The following MACF1 variants were observed in gnomAD, a reference collection of about 807,000 sequenced individuals.
MACF1 encodes microtubule actin crosslinking factor 1, also known as microtubule-actin cross-linking factor 1.
MACF1 carries 193 observed loss-of-function variants against 854.8 expected under a neutral mutation model. The ratio of observed to expected loss-of-function variants is 0.23; its 90% CI spans 0.20 to 0.25. The LOEUF is 0.25. MACF1 is among the 10% of genes least tolerant of loss of function. The probability of loss-of-function intolerance (pLI) is 1.00; values close to 1 mark genes in which losing one functional copy is unlikely to be tolerated. For synonymous variants in MACF1, 3,185 were observed against 3,226.7 expected (o/e 0.99, Z 0.44); for missense variants, 7,722 against 8,929.1 (o/e 0.86, Z 5.45).
intron 61 of MACF1, 56 bp from the exon 62 acceptor site, chr1:39,427,399 T>C: frequency 6.7e-7 from 1 of 1,481,754 alleles, no homozygotes; most frequent in African/African-American, 1.4e-5. Context: ...ATAGTACTAT[T>C]ACCAGTTTTA....
rs374953629 is a variant in MACF1, at chr1:39,435,494, A to C, written c.17785-64A>C. ...TTAAAGTTGATATTAGCTCTGATCA[A>C]AGTATCTAAATACATAAACTGGTAT... On this transcript the variant is annotated intron_variant, in intron 69 of 100. Coordinates refer to ENST00000564288, the MANE Select transcript of MACF1 (RefSeq NM_001394062.1). 35 of 1,341,010 alleles carry C rather than the reference A, an allele frequency of 2.6e-5. No individual in the cohort carries two copies. The East Asian group carries it at 4.4e-4, about 17-fold the overall frequency. 83.1% of individuals were successfully genotyped at this position (1,341,010 alleles called of 1,614,324 possible).
At position 39,263,771 on chromosome 1, in the gene MACF1, C is replaced by CTTTTTTTTTTTTTTTTTTTT. The variant is rs11453750; in HGVS notation, c.528+5744_528+5763dup. Among the ~76,000 whole-genome samples, 34 of 100,164 alleles carry CTTTTTTTTTTTTTTTTTTTT rather than the reference C, an allele frequency of 3.4e-4. 1 individual carries two copies. The highest frequency in any genetic ancestry group is 6.9e-4 in the South Asian group (2 of 2,904). 65.7% of individuals were successfully genotyped at this position (100,164 alleles called of 152,430 possible). A position where few individuals can be genotyped will look rare whatever the true frequency, so the allele number is the denominator to read the frequency against. On this transcript the variant is annotated intron_variant, in intron 6 of 100. Transcript: ENST00000564288. The stretch of plus-strand genomic sequence containing the variant: ...CTTTCTTTCATCTTTTTTCTTTTTT[C>CTTTTTTTTTTTTTTTTTTTT]TTTTTTTTTTTTTTTTTTTTGAGAC...
intron 47 of MACF1, among the ~76,000 whole-genome samples, chr1:39,360,104 C>CAT (rs1431925794): frequency 3.7e-5 from 5 of 134,320 alleles, no homozygotes; most frequent in African/African-American, 8.3e-5. Flanking sequence ...CACACACACA[C>CAT]ATATATATCG....
At chr1:39,356,835 C>T (rs968353458) in intron 44 of MACF1, among the ~76,000 whole-genome samples, 1 of 152,162 alleles carries the variant, frequency 6.6e-6, no homozygotes, top group Non-Finnish European at 1.5e-5. Flanking sequence ...AGATATATAA[C>T]GTCTTTTTGG....
At chr1:39,356,282 A>G (rs1318819726) in intron 44 of MACF1, among the ~76,000 whole-genome samples, 2 of 152,244 alleles carry the variant, frequency 1.3e-5, no homozygotes, top group African/African-American at 4.8e-5. Flanking sequence ...ATACAGTTTA[A>G]TCTCTAATTA....
At chr1:39,419,973 A>G (rs551345823) in intron 58 of MACF1, among the ~76,000 whole-genome samples, 1 of 152,040 alleles carries the variant, frequency 6.6e-6, no homozygotes, top group Non-Finnish European at 1.5e-5. Context: ...AGCCTATTTT[A>G]CTTTTCTGTG....
chr1:39,411,798 A>G, intron 58 of MACF1: 2 of 1,613,882 alleles, frequency 1.2e-6, no homozygotes, highest in African/African-American at 2.7e-5. Context: ...GTCATTTTTC[A>G]GGGGCTGCCT....
chr1:39,366,811 T>A (rs1648755034), intron 49 of MACF1, among the ~76,000 whole-genome samples: 1 of 151,252 alleles, frequency 6.6e-6, no homozygotes, highest in Non-Finnish European at 1.5e-5. Context: ...TTCCAGCTAA[T>A]TTTTGTGTTT....
At chr1:39,112,325 C>T (rs904733955) in intron 2 of MACF1, among the ~76,000 whole-genome samples, 6 of 152,114 alleles carry the variant, frequency 3.9e-5, no homozygotes, top group African/African-American at 1.4e-4. Context: ...ACTTTGTGAT[C>T]TGCCCTCCTC....
At chr1:39,237,955 G>A (rs1013877461) in intron 2 of MACF1, among the ~76,000 whole-genome samples, 3 of 152,130 alleles carry the variant, frequency 2.0e-5, no homozygotes, top group Non-Finnish European at 4.4e-5. Flanking sequence ...TGTCAATGTT[G>A]TTCCTTATTC....
Position 39,484,649 on chromosome 1 carries a change from C to T in MACF1, c.22330C>T (p.His7444Tyr). Reference sequence around the variant, plus strand: ...GTTGAAACGACCAACACCAACTTTTCATTCTAGTCGGACATCCCTTGCTGG... The same window carrying T: ...GTTGAAACGACCAACACCAACTTTTTATTCTAGTCGGACATCCCTTGCTGG... ...SKLKRPTPTFHSSRTSLAGDT... is the reference protein window; with the variant it reads ...SKLKRPTPTFYSSRTSLAGDT... The change falls in exon 100 of 101, where the codon CAT becomes TAT. Residue 7444 changes from histidine (H) to tyrosine (Y), a missense_variant. Around this residue, in one of 15 missense-constraint regions of MACF1, gnomAD observed 185 missense variants for 225.7 expected, o/e 0.82. Coordinates refer to ENST00000564288, the MANE Select transcript of MACF1 (RefSeq NM_001394062.1). The T allele has an allele frequency of 6.2e-7, 1 of 1,614,048 alleles. No individual in the cohort carries two copies. Among genetic ancestry groups the T allele is most frequent in the African/African-American group, 1.3e-5 (1 of 75,028 alleles).
Position 39,300,496 on chromosome 1 carries a change from C to T in MACF1, c.2634+134C>T. ...TTAGAATTTAAACATGCTGAAGTCT[C>T]TCCTATCATTTAAAAAAAAAAACTA... On this transcript the variant is annotated intron_variant, in intron 22 of 100. Coordinates refer to ENST00000564288, the MANE Select transcript of MACF1 (RefSeq NM_001394062.1). 2.3e-5 allele frequency: 19 copies of T among 832,360 alleles called. 1 individual carries two copies. The highest frequency in any genetic ancestry group is 4.5e-5 in the Admixed American group (1 of 21,994). The allele number at this position is 832,360 out of a possible 1,614,324, so 51.6% of individuals were successfully genotyped here. A position where few individuals can be genotyped will look rare whatever the true frequency, so the allele number is the denominator to read the frequency against.
chr1:39,433,028 C>T lies in MACF1; in HGVS notation c.17458-20C>T, dbSNP rs531942612. On this transcript the variant is annotated intron_variant, in intron 67 of 100. Coordinates refer to ENST00000564288, the MANE Select transcript of MACF1 (RefSeq NM_001394062.1). ...GGAAAAGGGTCTTTTTACTTCTTAACTACAGTTTACTTTTCAAAGGCTTTC... is the reference window on the plus strand; with the variant it reads ...GGAAAAGGGTCTTTTTACTTCTTAATTACAGTTTACTTTTCAAAGGCTTTC... The T allele has an allele frequency of 3.4e-6, 5 of 1,478,734 alleles. No homozygotes were observed. The Admixed American group carries it at 7.1e-5, about 21-fold the overall frequency. 91.6% of individuals were successfully genotyped at this position (1,478,734 alleles called of 1,614,324 possible). A position where few individuals can be genotyped will look rare whatever the true frequency, so the allele number is the denominator to read the frequency against.
chr1:39,102,103 G>C (rs28665627), intron 2 of MACF1, among the ~76,000 whole-genome samples: 7 of 151,752 alleles, frequency 4.6e-5, no homozygotes, highest in South Asian at 2.1e-4. Flanking sequence ...GTGAACCCCG[G>C]GGGGCGGAGC....
rs1221900375 is a variant in MACF1 at position 39,310,406 on chromosome 1, C to T, written c.3078C>T (p.His1026=). The T allele has an allele frequency of 1.3e-5, 21 of 1,613,936 alleles. No individual in the cohort carries two copies. Among genetic ancestry groups the T allele is most frequent in the Non-Finnish European group, 1.7e-5 (20 of 1,179,966 alleles). ...AAGCTTGTAAAGCCCGCTTCCAGCACCTGATGAAGTCCATGGAGAATGGTG... is the reference window on the plus strand; with the variant it reads ...AAGCTTGTAAAGCCCGCTTCCAGCATCTGATGAAGTCCATGGAGAATGGTG... ...EVEACKARFQ[H]LMKSMENEDK... is the part of the protein sequence containing the mutation. Residue 1026 remains histidine (H), a synonymous_variant, in exon 25 of 101, where the codon CAC becomes CAT. Transcript: ENST00000564288.
At position 39,340,946 on chromosome 1, in the gene MACF1, A is replaced by G; in HGVS notation, c.10574A>G (p.Gln3525Arg). The change falls in exon 40 of 101, where the codon CAG (glutamine) becomes CGG (arginine). Residue 3525 changes from glutamine to arginine, a missense_variant. Transcript: ENST00000564288. ...DVDSLNLCLQ[Q>R]YEDLKQPMAE... ...GACAGCCTGAACCTCTGCCTCCAACAGTATGAGGTAAACTCAAGCACATTT... is the reference window on the plus strand; with the variant it reads ...GACAGCCTGAACCTCTGCCTCCAACGGTATGAGGTAAACTCAAGCACATTT... The G allele has an allele frequency of 1.2e-6, 2 of 1,602,756 alleles. No individual in the cohort carries two copies. The highest frequency in any genetic ancestry group is 1.7e-6 in the Non-Finnish European group (2 of 1,175,956).
In MACF1 at chr1:39,442,293, C is replaced by T. The variant is rs762918922; in HGVS notation, c.18921C>T (p.Asn6307=). Residue 6307 remains asparagine, a synonymous_variant, in exon 76 of 101, where the codon AAC becomes AAT. Transcript: ENST00000564288. ...CAGAACTCAAACACCTCTGGGAGAA[C>T]CTGGGTGAGAAAATTGCCCACCGAC... ...PLTELKHLWE[N]LGEKIAHRQH... The T allele has an allele frequency of 3.1e-6, 5 of 1,599,854 alleles. No homozygotes were observed. The South Asian group carries it at 4.5e-5, about 14-fold the overall frequency.
chr1:39,133,220 A>G (rs1400048767), intron 2 of MACF1, among the ~76,000 whole-genome samples: 1 of 151,966 alleles, frequency 6.6e-6, no homozygotes, highest in Non-Finnish European at 1.5e-5. Context: ...GGCTGGGGGT[A>G]TGGGGTGTGG....
intron 1 of MACF1, among the ~76,000 whole-genome samples, chr1:39,221,243 A>G (rs1231475359): frequency 1.3e-5 from 2 of 152,168 alleles, no homozygotes; most frequent in African/African-American, 4.8e-5. Context: ...CTGCAATTGA[A>G]TTTTATAGGG....
Sources: gnomAD v4.1 joint callset for allele counts (sites outside exome capture counted in the v4.1 genomes callset) on GRCh38, gnomAD v4.1.1 for gene constraint, gnomAD v4.1.1 regional missense constraint, MANE v1.5 for transcripts, NCBI Gene and HGNC (gene_info 2026-07-23, HGNC 2026-07-21) for gene names.